The following INSL6 variants were observed in gnomAD, a reference collection of about 807,000 sequenced individuals.
INSL6 encodes the protein insulin-like peptide INSL6.
A neutral mutation model predicts 9.4 loss-of-function variants in INSL6; 16 were observed. The observed-to-expected ratio is 1.70, with a 90% confidence interval of 1.15 to 2.59. INSL6 has a LOEUF of 2.59. Ranked by LOEUF, INSL6 falls within the 30% of genes most tolerant of loss-of-function variation. The pLI, the probability that INSL6 is intolerant of heterozygous loss-of-function variation, is 0.00. For missense variants in INSL6, 391 were observed against 257.3 expected, an observed-to-expected ratio of 1.52 and a Z score of -3.56; for synonymous variants, 154 against 96.9, an observed-to-expected ratio of 1.59 and a Z score of -3.46.
intron 3 of INSL6, chr9:5,126,753 C>T: frequency 6.2e-7 from 1 of 1,610,512 alleles, no homozygotes; most frequent in Non-Finnish European, 8.5e-7. Flanking sequence ...GGATCTAGCT[C>T]TTCGAGTGGA....
chr9:5,172,626 A>C (rs1380440246), intron 1 of INSL6, among the ~76,000 whole-genome samples: 1 of 152,104 alleles, frequency 6.6e-6, no homozygotes, highest in Non-Finnish European at 1.5e-5. Flanking sequence ...AAAAACAAAC[A>C]ATCCGCTTAA....
intron 2 of INSL6, among the ~76,000 whole-genome samples, chr9:5,143,732 T>TAG (rs1316549274): frequency 2.0e-5 from 3 of 151,072 alleles, no homozygotes; most frequent in Non-Finnish European, 4.4e-5. Flanking sequence ...TGATCTCAGC[T>TAG]CACTACAACC....
chr9:5,119,526 G>T (rs895786716), downstream of INSL6, among the ~76,000 whole-genome samples: 3 of 151,878 alleles, frequency 2.0e-5, no homozygotes, highest in African/African-American at 7.3e-5. Context: ...AGCTGAAGAT[G>T]ATATATATAT....
chr9:5,088,789 A>G, the INSL6 span, among the ~76,000 whole-genome samples: 1 of 152,194 alleles, frequency 6.6e-6, no homozygotes, highest in African/African-American at 2.4e-5. Context: ...AGATTGCTCT[A>G]ATGTCTCTTC....
In INSL6 at chr9:5,127,248, T is replaced by C. The variant is rs554890763; in HGVS notation, c.*11-2737A>G. 5.6e-5 allele frequency: 13 copies of C among 232,604 alleles called. 1 individual carries two copies. Among genetic ancestry groups the C allele is most frequent in the African/African-American group, 2.9e-4 (13 of 45,418 alleles). 14.4% of individuals were successfully genotyped at this position (232,604 alleles called of 1,614,324 possible). A position where few individuals can be genotyped will look rare whatever the true frequency, so the allele number is the denominator to read the frequency against. On this transcript the variant is annotated intron_variant, in intron 3 of 3. Transcript: ENST00000649639. The stretch of plus-strand genomic sequence containing the variant: ...GCTGGTGTTCATTAATACTGTTTTC[T>C]AATTTTTCCATAGTTAATCTATAAT...
the INSL6 span, chr9:5,041,693 C>T: frequency 3.9e-6 from 2 of 507,400 alleles, no homozygotes; most frequent in South Asian, 1.5e-5. Context: ...ACCGAAGCGG[C>T]TTCGTGTTCG....
At chr9:5,044,319 G>A in the INSL6 span, 1 of 802,694 alleles carries the variant, frequency 1.2e-6, no homozygotes, top group Non-Finnish European at 2.1e-6. Context: ...ATACCTTTCA[G>A]TATGCTGTAG....
At chr9:5,175,077 C>A (rs529804532) in intron 1 of INSL6, among the ~76,000 whole-genome samples, 2 of 152,090 alleles carry the variant, frequency 1.3e-5, no homozygotes, top group South Asian at 4.2e-4. Flanking sequence ...GTAGCTGGGA[C>A]TACAGGTGCC....
the INSL6 span, among the ~76,000 whole-genome samples, chr9:5,003,448 G>A: frequency 6.6e-6 from 1 of 151,970 alleles, no homozygotes. Context: ...TTCCATAGAT[G>A]TATTCCTAGG....
chr9:5,163,139 G>A (rs1824961909), downstream of INSL6, among the ~76,000 whole-genome samples: 1 of 152,166 alleles, frequency 6.6e-6, no homozygotes, highest in Non-Finnish European at 1.5e-5. Context: ...AACACAGATT[G>A]CTGACCCCCA....
intron 3 of INSL6, among the ~76,000 whole-genome samples, chr9:5,125,517 A>G (rs1373892388): frequency 1.3e-5 from 2 of 151,468 alleles, no homozygotes; most frequent in African/African-American, 4.8e-5. Flanking sequence ...TCTGATAATT[A>G]TCTTAGAATA....
chr9:5,165,504 G>A (rs1007596502), intron 1 of INSL6, among the ~76,000 whole-genome samples: 7 of 151,956 alleles, frequency 4.6e-5, no homozygotes, highest in Non-Finnish European at 7.4e-5. Flanking sequence ...TTTTTGATTC[G>A]CATTTACCTC....
chr9:5,085,417 C>T, the INSL6 span: 198,745 of 758,854 alleles, frequency 0.26, 27,287 homozygotes, highest in South Asian at 0.29. Flanking sequence ...TGCTTTACAA[C>T]TGTTGGCTAT....
chr9:5,113,052 A>G, the INSL6 span, among the ~76,000 whole-genome samples: 3 of 152,216 alleles, frequency 2.0e-5, no homozygotes, highest in African/African-American at 7.2e-5. Context: ...CGCTGGGTCC[A>G]GGAGCTCCCT....
At chr9:5,045,480 A>G in the INSL6 span, among the ~76,000 whole-genome samples, 1 of 152,234 alleles carries the variant, frequency 6.6e-6, no homozygotes, top group African/African-American at 2.4e-5. Flanking sequence ...AAGTACAAAT[A>G]CATTGCTGTA....
At chr9:5,072,699 C>G in the INSL6 span, 381 of 1,101,544 alleles carry the variant, frequency 3.5e-4, 1 homozygote, top group Non-Finnish European at 4.6e-4. Context: ...ATACAACGTA[C>G]TCATGTGTGC....
chr9:5,033,788 G>A, the INSL6 span, among the ~76,000 whole-genome samples: 7 of 152,042 alleles, frequency 4.6e-5, no homozygotes, highest in African/African-American at 1.2e-4. Context: ...GCAAAAACAC[G>A]CCAAATTGTA....
chr9:5,133,340 T>A (rs1249904736), intron 3 of INSL6: 1 of 152,064 alleles, frequency 6.6e-6, no homozygotes, highest in African/African-American at 2.4e-5. Flanking sequence ...GATACGACAG[T>A]GTCAGAAAAG....
chr9:5,126,253 C>A (rs1035451209), intron 3 of INSL6: 6 of 940,340 alleles, frequency 6.4e-6, no homozygotes, highest in African/African-American at 3.4e-5. Context: ...TAAATTTTTT[C>A]CCATTGACTG....
Sources: allele counts gnomAD v4.1 joint callset (sites outside exome capture counted in the v4.1 genomes callset), GRCh38; gene constraint gnomAD v4.1.1; transcripts MANE v1.5; gene names NCBI Gene and HGNC (gene_info 2026-07-23, HGNC 2026-07-21).